The following FER variants were observed in gnomAD, a reference collection of about 807,000 sequenced individuals.
The protein encoded by FER is FER tyrosine kinase.
Under a neutral mutation model 111.0 loss-of-function variants are expected in FER, and 63 were observed. The ratio of observed to expected loss-of-function variants is 0.57; its 90% confidence interval spans 0.46 to 0.70. The LOEUF (loss-of-function observed/expected upper bound fraction) is 0.70, where lower values mean the gene tolerates loss of function less well. Ranked by LOEUF, FER falls within the 30% of genes least tolerant of loss-of-function variation. FER has a pLI of 0.00. For synonymous variants in FER, 327 were observed against 313.9 expected (o/e 1.04, Z -0.44); for missense variants, 914 against 954.0 (o/e 0.96, Z 0.55).
At chr5:109,185,001 C>T (rs1441564426) in intron 18 of FER, among the ~76,000 whole-genome samples, 1 of 152,162 alleles carries the variant, frequency 6.6e-6, no homozygotes, top group Non-Finnish European at 1.5e-5. Context: ...TTTAACACCA[C>T]TGTAAATGGA....
At chr5:108,962,813 A>T (rs1759310837) in intron 13 of FER, among the ~76,000 whole-genome samples, 1 of 152,224 alleles carries the variant, frequency 6.6e-6, no homozygotes, top group Non-Finnish European at 1.5e-5. Flanking sequence ...TAAAGATTAA[A>T]ATGGTAAATG....
intron 10 of FER, among the ~76,000 whole-genome samples, chr5:108,921,106 T>G (rs1282395060): frequency 6.6e-6 from 1 of 152,178 alleles, no homozygotes. Context: ...GATCTCTGAC[T>G]ACTTCAGCTG....
At chr5:108,832,977 A>G in intron 4 of FER, 34 bp downstream of exon 4, 1 of 1,505,072 alleles carries the variant, frequency 6.6e-7, no homozygotes, top group Non-Finnish European at 8.9e-7. Context: ...CTTTCTTGAA[A>G]TTGTTTTCCA....
At position 108,831,668 on chromosome 5, in the gene FER, A is replaced by T. The variant is rs909915447; in HGVS notation, c.208-1102A>T. Among the ~76,000 whole-genome samples the T allele has an allele frequency of 2.6e-5, 4 of 152,200 alleles. 1 individual carries two copies. The highest frequency in any genetic ancestry group is 9.6e-5 in the African/African-American group (4 of 41,454). The stretch of plus-strand genomic sequence containing the variant: ...TACAATGCAGTGTATCAAAAACAAG[A>T]TTGGCAAGTCAGATCCTGGCAACTT... On this transcript the variant is annotated intron_variant, in intron 3 of 19. Coordinates refer to ENST00000281092, the MANE Select transcript of FER (RefSeq NM_005246.4).
intron 17 of FER, among the ~76,000 whole-genome samples, chr5:109,157,153 C>G (rs1005828542): frequency 1.3e-5 from 2 of 152,014 alleles, no homozygotes; most frequent in South Asian, 2.1e-4. Context: ...CTTACTCTCT[C>G]CAAAAGTCAA....
intron 5 of FER, among the ~76,000 whole-genome samples, chr5:108,852,006 A>T (rs568843147): frequency 3.9e-5 from 6 of 152,356 alleles, no homozygotes; most frequent in Middle Eastern, 3.4e-3. Flanking sequence ...ACCCTCTTTT[A>T]TCACACAAGT....
At chr5:108,929,664 T>G (rs1214018444) in intron 10 of FER, among the ~76,000 whole-genome samples, 1 of 151,978 alleles carries the variant, frequency 6.6e-6, no homozygotes, top group Non-Finnish European at 1.5e-5. Context: ...AACTCTCTAG[T>G]GATAGGTTTT....
At chr5:109,024,777 A>G (rs1768438331) in intron 13 of FER, among the ~76,000 whole-genome samples, 2 of 152,060 alleles carry the variant, frequency 1.3e-5, no homozygotes, top group Non-Finnish European at 2.9e-5. Context: ...TCTTTAATCC[A>G]TCTTGAATTG....
Position 109,181,667 on chromosome 5 carries a change from CT to C in FER, c.2203+767del, listed in dbSNP as rs1427457396. ...TTGTTGATTTAAAATGAAAAATTAC[CT>C]CATTATGGAAACTAATTTGTAAAGC... On this transcript the variant is annotated intron_variant, in intron 18 of 19. Coordinates refer to ENST00000281092, the MANE Select transcript of FER (RefSeq NM_005246.4). 6.6e-5 allele frequency among the ~76,000 whole-genome samples: 10 copies of C among 152,088 alleles called. 1 individual carries two copies. The highest frequency in any genetic ancestry group is 3.4e-3 in the Middle Eastern group (1 of 294).
intron 10 of FER, among the ~76,000 whole-genome samples, chr5:108,934,290 A>T (rs980540383): frequency 2.0e-5 from 3 of 151,980 alleles, no homozygotes; most frequent in Non-Finnish European, 2.9e-5. Context: ...TCTGACCTTC[A>T]TTTTCTCATG....
intron 8 of FER, among the ~76,000 whole-genome samples, chr5:108,877,611 C>G (rs1360701512): frequency 6.6e-6 from 1 of 152,164 alleles, no homozygotes; most frequent in East Asian, 1.9e-4. Flanking sequence ...TTTATGTTTT[C>G]AATTTATATT....
chr5:109,016,112 T>G (rs1767079745), intron 13 of FER, among the ~76,000 whole-genome samples: 1 of 152,054 alleles, frequency 6.6e-6, no homozygotes, highest in Non-Finnish European at 1.5e-5. Context: ...ATATCTGACC[T>G]AAGTTGTGCA....
intron 13 of FER, among the ~76,000 whole-genome samples, chr5:109,005,303 A>C (rs1765353794): frequency 6.6e-6 from 1 of 152,076 alleles, no homozygotes; most frequent in Non-Finnish European, 1.5e-5. Context: ...TAATAGATCC[A>C]AGCAGGAGAG....
At chr5:109,093,908 C>A (rs1747143628) in intron 16 of FER, among the ~76,000 whole-genome samples, 1 of 152,082 alleles carries the variant, frequency 6.6e-6, no homozygotes, top group South Asian at 2.1e-4. Flanking sequence ...ATCTGACTTT[C>A]CTTTTTTTTC....
In FER at chr5:108,765,393, A is replaced by G. The variant is rs76976468; in HGVS notation, c.-205-2700A>G. Among the ~76,000 whole-genome samples the G allele has an allele frequency of 5.9e-3, 895 of 152,294 alleles. 13 individuals carry two copies. Among genetic ancestry groups the G allele is most frequent in the African/African-American group, 0.021 (861 of 41,566 alleles). On this transcript the variant is annotated intron_variant, in intron 1 of 19. Transcript: ENST00000281092. ...TGAGTTAGAGATTGAGACACAATAC[A>G]TGGGTCCTGTGACTAGCTTACTTTC...
intron 2 of FER, among the ~76,000 whole-genome samples, chr5:108,772,067 C>T (rs1264012115): frequency 6.6e-6 from 1 of 151,968 alleles, no homozygotes; most frequent in African/African-American, 2.4e-5. Context: ...TTTTTGGTGA[C>T]CTCATATGAC....
chr5:108,884,005 C>T (rs1244913756), intron 9 of FER, among the ~76,000 whole-genome samples: 1 of 151,968 alleles, frequency 6.6e-6, no homozygotes, highest in African/African-American at 2.4e-5. Flanking sequence ...CAAATATCTT[C>T]CTAGGTCCAC....
intron 16 of FER, among the ~76,000 whole-genome samples, chr5:109,086,605 T>A (rs1333070509): frequency 3.3e-5 from 5 of 151,786 alleles, no homozygotes; most frequent in African/African-American, 1.2e-4. Context: ...TTTAGAAATG[T>A]ATGTAGATTA....
rs184082429 is a variant in FER, at chr5:109,036,071, G to T, written c.1657-1351G>T. Among the ~76,000 whole-genome samples the T allele has an allele frequency of 3.4e-3, 517 of 152,204 alleles. 1 individual carries two copies. Among genetic ancestry groups the T allele is most frequent in the Non-Finnish European group, 4.7e-3 (321 of 67,970 alleles). On this transcript the variant is annotated intron_variant, in intron 13 of 19. Transcript: ENST00000281092. ...AAATGCTTTATCAGATAGAAATTCAGTATTGCAAAAATGTTCTCCCAGGTT... is the reference window on the plus strand; with the variant it reads ...AAATGCTTTATCAGATAGAAATTCATTATTGCAAAAATGTTCTCCCAGGTT...
Sources: gnomAD v4.1 joint callset for allele counts (sites outside exome capture counted in the v4.1 genomes callset) on GRCh38, gnomAD v4.1.1 for gene constraint, MANE v1.5 for transcripts, NCBI Gene and HGNC (gene_info 2026-07-23, HGNC 2026-07-21) for gene names.